HSPH1: variants seen among roughly 807,000 people sequenced by gnomAD.
HSPH1 encodes heat shock protein 105 kDa.
In HSPH1, 40 loss-of-function variants were observed where a neutral mutation model predicts 100.0. The observed-to-expected ratio is 0.40, with a 90% CI of 0.31 to 0.52. The LOEUF (loss-of-function observed/expected upper bound fraction) is 0.52, where lower values mean the gene tolerates loss of function less well. Among genes scored for constraint, HSPH1 ranks in the 20% least tolerant of loss-of-function variants. The pLI is 0.54. For synonymous variants in HSPH1, 403 were observed against 344.0 expected (o/e 1.17, Z -1.90); for missense variants, 876 against 1,015.1 (o/e 0.86, Z 1.86).
intron 1 of HSPH1, among the ~76,000 whole-genome samples, chr13:31,160,807 T>C (rs1956872229): frequency 6.6e-6 from 1 of 152,192 alleles, no homozygotes; most frequent in African/African-American, 2.4e-5. Context: ...GTTTACATCT[T>C]TCGACAATGA....
chr13:31,144,023 A>T (rs1178486536), intron 11 of HSPH1, 100 bp from the exon 12 acceptor site: 4 of 1,035,830 alleles, frequency 3.9e-6, no homozygotes, highest in Non-Finnish European at 5.2e-6. Flanking sequence ...CAATTTCTGA[A>T]ATCTTAACAG....
chr13:31,161,297 T>G (rs1956898856), intron 1 of HSPH1, among the ~76,000 whole-genome samples, 179 bp downstream of exon 1: 1 of 152,168 alleles, frequency 6.6e-6, no homozygotes, highest in South Asian at 2.1e-4. Flanking sequence ...CAATTTGTGA[T>G]GGCAAGCCCC....
At chr13:31,147,718 T>G (rs1043272323) in intron 10 of HSPH1, among the ~76,000 whole-genome samples, 2 of 152,046 alleles carry the variant, frequency 1.3e-5, no homozygotes, top group African/African-American at 4.8e-5. Context: ...ACACATACTT[T>G]TAAGTAACAG....
upstream of HSPH1, chr13:31,161,940 C>T (rs1035404715): frequency 3.3e-6 from 5 of 1,535,276 alleles, no homozygotes; most frequent in South Asian, 3.6e-5. Flanking sequence ...CCTTATGTAT[C>T]GCACTGATCA....
Position 31,151,175 on chromosome 13 carries a change from A to G in HSPH1, c.680T>C (p.Phe227Ser). Reference protein sequence around the residue: ...KGKLKVLGTAFDPFLGGKNFD... With the variant: ...KGKLKVLGTASDPFLGGKNFD... Reference sequence around the variant, plus strand: ...GTTTTTTCCTCCTAAGAAAGGATCAAAAGCTGTTCCCAGTACCTAATTTGG... The same window carrying G: ...GTTTTTTCCTCCTAAGAAAGGATCAGAAGCTGTTCCCAGTACCTAATTTGG... The change falls in exon 7 of 18, where the codon TTT (phenylalanine) becomes TCT (serine). Residue 227 changes from phenylalanine to serine, a missense_variant. Physicochemically the swap from Phe to Ser is radical, Grantham distance 155. Coordinates refer to ENST00000320027, the MANE Select transcript of HSPH1 (RefSeq NM_006644.4). 6.2e-7 allele frequency: 1 copy of G among 1,611,168 alleles called. No individual in the cohort carries two copies. The highest frequency in any genetic ancestry group is 1.1e-5 in the South Asian group (1 of 90,798).
rs1452921716 is a variant in HSPH1, at chr13:31,137,195, A to G, written c.*123T>C. The G allele has an allele frequency of 2.3e-5, 17 of 744,320 alleles. No individual in the cohort carries two copies. The highest frequency in any genetic ancestry group is 3.7e-5 in the Non-Finnish European group (16 of 428,510). 46.1% of individuals were successfully genotyped at this position (744,320 alleles called of 1,614,324 possible). On this transcript the variant is annotated 3_prime_UTR_variant, in exon 18 of 18. Transcript: ENST00000320027. ...TAAGCTTTTTTTCTTTTTCCATATA[A>G]TACACAAAATTTCTAAATATCCTTA...
Position 31,154,720 on chromosome 13 carries a change from C to T in HSPH1, c.342G>A (p.Val114=), listed in dbSNP as rs754521249. 3 of 1,613,566 alleles carry T rather than the reference C, an allele frequency of 1.9e-6. No individual in the cohort carries two copies. The highest frequency in any genetic ancestry group is 2.5e-6 in the Non-Finnish European group (3 of 1,179,640). The part of the protein sequence containing the change: ...MYMGEEHLFS[V]EQITAMLLTK... ...TCAACAACATGGCTGTTATCTGCTC[C>T]ACACTAAATAGATGTTCTTCACCCA... Residue 114 remains valine (V), a synonymous_variant, in exon 4 of 18, where the codon GTG becomes GTA. Transcript: ENST00000320027.
rs1565994005 is a variant in HSPH1, at chr13:31,138,820, CA to C, written c.2168del (p.Leu723ArgfsTer7). The C allele has an allele frequency of 6.2e-7, 1 of 1,611,934 alleles. No homozygotes were observed. The highest frequency in any genetic ancestry group is 2.2e-5 in the East Asian group (1 of 44,766). On this transcript the variant is annotated frameshift_variant, in exon 16 of 18. Transcript: ENST00000320027. LOFTEE classifies it high-confidence loss of function. The stretch of plus-strand genomic sequence containing the variant: ...CAGCTGCTATCTTGGCATAATGCTG[CA>C]GCCTCTGTCCTAGTTCTTCAAACAT... ...PKMFEELGQR[L>X]QHYAKIAADF...
At chr13:31,161,355 T>G in intron 1 of HSPH1, 121 bp downstream of exon 1, 1 of 1,478,506 alleles carries the variant, frequency 6.8e-7, no homozygotes. Flanking sequence ...CACGGAGGGG[T>G]GCGCCGCTGC....
chr13:31,140,837 T>C (rs768414902), intron 13 of HSPH1: 3 of 247,432 alleles, frequency 1.2e-5, no homozygotes, highest in Non-Finnish European at 1.5e-5. Context: ...AATAGAAATA[T>C]TTAGTGTGCC....
intron 2 of HSPH1, among the ~76,000 whole-genome samples, chr13:31,157,421 A>G (rs1482246537): frequency 6.6e-6 from 1 of 152,206 alleles, no homozygotes; most frequent in African/African-American, 2.4e-5. Context: ...GTTAAATCCA[A>G]CCTACATATT....
intron 17 of HSPH1, among the ~76,000 whole-genome samples, chr13:31,138,185 C>T (rs1955954768): frequency 1.3e-5 from 2 of 152,014 alleles, no homozygotes; most frequent in African/African-American, 4.8e-5. Context: ...AGGTGCTCAA[C>T]AAATACACTT....
At position 31,149,867 on chromosome 13, in the gene HSPH1, G is replaced by GTC. The variant is rs1303897961; in HGVS notation, c.1137+85_1137+86dup. On this transcript the variant is annotated intron_variant, in intron 8 of 17. Transcript: ENST00000320027. ...ATGTCCTTCTGCTACCTAGACACAG[G>GTC]TCTCTGTTTATTATCCCACCATGAC... 3 of 1,029,516 alleles carry GTC rather than the reference G, an allele frequency of 2.9e-6. No homozygotes were observed. In the Admixed American group the frequency reaches 5.2e-5, roughly 18 times the overall value. 63.8% of individuals were successfully genotyped at this position (1,029,516 alleles called of 1,614,324 possible). A position where few individuals can be genotyped will look rare whatever the true frequency, so the allele number is the denominator to read the frequency against.
chr13:31,139,874 G>A (rs943155397), intron 14 of HSPH1, among the ~76,000 whole-genome samples: 11 of 151,962 alleles, frequency 7.2e-5, no homozygotes, highest in African/African-American at 1.7e-4. Flanking sequence ...CAGTGTCACC[G>A]CATTTGACGT....
Position 31,161,604 on chromosome 13 carries a change from C to CGCCTCG in HSPH1, c.-28_-23dup. 2 of 1,610,714 alleles carry CGCCTCG rather than the reference C, an allele frequency of 1.2e-6. No homozygotes were observed. Among genetic ancestry groups the CGCCTCG allele is most frequent in the African/African-American group, 2.7e-5 (2 of 75,016 alleles). ...ACATGGCCGGCTCGCGGTCCGCCTC[C>CGCCTCG]GCCTCGGGTCTCGGTCTGCGTCCTC... is the stretch of plus-strand genomic sequence containing the variant. On this transcript the variant is annotated 5_prime_UTR_variant, in exon 1 of 18. Transcript: ENST00000320027.
intron 10 of HSPH1, among the ~76,000 whole-genome samples, chr13:31,146,793 G>T (rs921197829): frequency 2.0e-5 from 3 of 152,170 alleles, no homozygotes; most frequent in Admixed American, 2.0e-4. Context: ...AGTGCTAGGT[G>T]TAAGTTATAG....
upstream of HSPH1, chr13:31,162,066 G>C: frequency 6.5e-7 from 1 of 1,536,100 alleles, no homozygotes; most frequent in East Asian, 2.4e-5. Context: ...ATGGGCAGCC[G>C]GTCCCCGGAG....
chr13:31,155,664 G>T lies in HSPH1; in HGVS notation c.166-10C>A, dbSNP rs775283250. On this transcript the variant is annotated splice_polypyrimidine_tract_variant and intron_variant, in intron 2 of 17. Coordinates refer to ENST00000320027, the MANE Select transcript of HSPH1 (RefSeq NM_006644.4). ...TTGCATGAGTGATTTGCTGCAAAAA[G>T]AAGTTTGAGATTTTAATTTTTTTCT... The T allele has an allele frequency of 6.4e-7, 1 of 1,569,092 alleles. No individual in the cohort carries two copies. The highest frequency in any genetic ancestry group is 1.4e-5 in the African/African-American group (1 of 72,650).
intron 17 of HSPH1, 84 bp from the exon 18 acceptor site, chr13:31,137,608 T>C (rs1272402831): frequency 1.1e-6 from 1 of 945,642 alleles, no homozygotes; most frequent in Non-Finnish European, 1.6e-6. Context: ...CTCAACCCAC[T>C]ATTTTTCTAC....
Sources: allele counts gnomAD v4.1 joint callset (sites outside exome capture counted in the v4.1 genomes callset), GRCh38; gene constraint gnomAD v4.1.1; transcripts MANE v1.5; gene names NCBI Gene and HGNC (gene_info 2026-07-23, HGNC 2026-07-21).